The following ASPM variants were observed in gnomAD, a reference collection of about 807,000 sequenced individuals.
ASPM encodes the protein assembly factor for spindle microtubules.
A neutral mutation model predicts 366.4 loss-of-function variants in ASPM; 256 were observed. The observed-to-expected ratio is 0.70, with a 90% CI of 0.63 to 0.77. The LOEUF is 0.77. ASPM is among the 30% of genes least tolerant of loss of function. The pLI, the probability that ASPM is intolerant of heterozygous loss-of-function variation, is 0.00. For missense variants in ASPM, 4,146 were observed against 4,090.4 expected, an observed-to-expected ratio of 1.01 and a Z score of -0.37; for synonymous variants, 1,414 against 1,342.9, an observed-to-expected ratio of 1.05 and a Z score of -1.16.
chr1:197,125,273 A>G (rs1010913441), intron 10 of ASPM, 82 bp from the exon 11 acceptor site: 14 of 1,498,476 alleles, frequency 9.3e-6, no homozygotes, highest in Non-Finnish European at 1.2e-5. Flanking sequence ...GTTATTTCCC[A>G]CATAAATCCC....
rs774064276 is a variant in ASPM, at chr1:197,129,335, A to C, written c.2630-18T>G. 1 of 1,609,842 alleles carries C rather than the reference A, an allele frequency of 6.2e-7. No homozygotes were observed. Among genetic ancestry groups the C allele is most frequent in the Non-Finnish European group, 8.5e-7 (1 of 1,177,044 alleles). On this transcript the variant is annotated intron_variant, in intron 8 of 27. Coordinates refer to ENST00000367409, the MANE Select transcript of ASPM (RefSeq NM_018136.5). ...TTCATGACCTTAAATAAAGTACAAA[A>C]AAGCACAGCAAGTTAATCTATGAAA...
Position 197,100,730 on chromosome 1 carries a change from G to C in ASPM, c.8521C>G (p.Leu2841Val). Residue 2841 changes from leucine to valine, a missense_variant, in exon 18 of 28, where the codon CTA becomes GTA. Coordinates refer to ENST00000367409, the MANE Select transcript of ASPM (RefSeq NM_018136.5). ...ATCTGAAGGAAGAACTGAATCCGTA[G>C]GGCAGCACATTTCTGTGTTTCCAGT... ...RKLETQKCAALRIQFFLQMAV... is the reference protein window; with the variant it reads ...RKLETQKCAAVRIQFFLQMAV... 2 of 1,612,412 alleles carry C rather than the reference G, an allele frequency of 1.2e-6. No homozygotes were observed. The highest frequency in any genetic ancestry group is 1.7e-6 in the Non-Finnish European group (2 of 1,179,072).
At chr1:197,088,827 ATCTAAT>A (rs1465166179) in intron 25 of ASPM, among the ~76,000 whole-genome samples, 1 of 152,066 alleles carries the variant, frequency 6.6e-6, no homozygotes, top group Non-Finnish European at 1.5e-5. Context: ...TAAAGGCAGG[ATCTAAT>A]TAGTTACTCT....
Position 197,101,763 on chromosome 1 carries a change from T to A in ASPM, c.7488A>T (p.Thr2496=), listed in dbSNP as rs770735309. 4 of 1,612,474 alleles carry A rather than the reference T, an allele frequency of 2.5e-6. No homozygotes were observed. Among genetic ancestry groups the A allele is most frequent in the African/African-American group, 1.3e-5 (1 of 74,798 alleles). The change falls in exon 18 of 28, where the codon ACA becomes ACT. Residue 2496 remains threonine (T), a synonymous_variant. Coordinates refer to ENST00000367409, the MANE Select transcript of ASPM (RefSeq NM_018136.5). ...LIQATFRMYR[T]YITFQTWKHA... is the part of the protein sequence containing the mutation. ...GTTTCCAAGTCTGAAATGTAATATA[T>A]GTTCTGTACATCCTGAAAGTAGCCT...
At chr1:197,117,449 C>T (rs936250189) in intron 17 of ASPM, among the ~76,000 whole-genome samples, 5 of 151,840 alleles carry the variant, frequency 3.3e-5, no homozygotes, top group Non-Finnish European at 7.4e-5. Flanking sequence ...TTCCAGGACT[C>T]AAAGCAAAGA....
chr1:197,093,957 C>A, intron 20 of ASPM, 127 bp downstream of exon 20: 1 of 619,084 alleles, frequency 1.6e-6, no homozygotes, highest in Non-Finnish European at 2.9e-6. Flanking sequence ...TAAATGCATA[C>A]TTAGGTCTTA....
chr1:197,103,365 T>C lies in ASPM; in HGVS notation c.5886A>G (p.Thr1962=). The C allele has an allele frequency of 6.2e-7, 1 of 1,613,342 alleles. No individual in the cohort carries two copies. The highest frequency in any genetic ancestry group is 8.5e-7 in the Non-Finnish European group (1 of 1,179,514). The change falls in exon 18 of 28, where the codon ACA becomes ACG. Residue 1962 remains threonine (T), a synonymous_variant. Coordinates refer to ENST00000367409, the MANE Select transcript of ASPM (RefSeq NM_018136.5). ...LVLQSMWKGK[T]LRRQLQRQHK... Reference sequence around the variant, plus strand: ...GTTGCCTTTGAAGCTGTCTTCTCAGTGTTTTTCCCTTCCACATAGATTGAA... The same window carrying C: ...GTTGCCTTTGAAGCTGTCTTCTCAGCGTTTTTCCCTTCCACATAGATTGAA...
chr1:197,134,250 T>A (rs7556383), intron 5 of ASPM, among the ~76,000 whole-genome samples: 354 of 127,370 alleles, frequency 2.8e-3, no homozygotes, highest in African/African-American at 9.0e-3. Context: ...TAAAAAATAA[T>A]AAAAAAAAAA....
chr1:197,103,922 C>T lies in ASPM; in HGVS notation c.5329G>A (p.Ala1777Thr). 1.2e-6 allele frequency: 2 copies of T among 1,612,680 alleles called. No individual in the cohort carries two copies. Among genetic ancestry groups the T allele is most frequent in the Non-Finnish European group, 1.7e-6 (2 of 1,179,290 alleles). ...ARQYYLKMYK[A>T]IIVIQNYYHA... The stretch of plus-strand genomic sequence containing the variant: ...TAGTAATTCTGAATGACAATAATTG[C>T]TTTATACATTTTCAGATAATACTGC... Residue 1777 changes from alanine (A) to threonine (T), a missense_variant, in exon 18 of 28, where the codon GCA becomes ACA. Coordinates refer to ENST00000367409, the MANE Select transcript of ASPM (RefSeq NM_018136.5).
At position 197,143,707 on chromosome 1, in the gene ASPM, G is replaced by A. The variant is rs917167792; in HGVS notation, c.545C>T (p.Ser182Phe). Residue 182 changes from serine to phenylalanine, a missense_variant, in exon 3 of 28, where the codon TCC (serine) becomes TTC (phenylalanine). By Grantham distance (155) the Ser-to-Phe change is radical. This residue lies in a region of ASPM where 512 missense variants were observed against 471.7 expected (regional missense o/e 1.09). Transcript: ENST00000367409. ...GCTCCTAACTCTGTCAACTTTTTGGGAAACACTAAATGTTTTATTAACATT... is the reference window on the plus strand; with the variant it reads ...GCTCCTAACTCTGTCAACTTTTTGGAAAACACTAAATGTTTTATTAACATT... ...IQNVNKTFSV[S>F]QKVDRVRSPL... is the part of the protein sequence containing the mutation. 1.2e-6 allele frequency: 2 copies of A among 1,613,878 alleles called. No homozygotes were observed. Among genetic ancestry groups the A allele is most frequent in the Non-Finnish European group, 1.7e-6 (2 of 1,179,878 alleles).
chr1:197,137,141 G>A (rs1658442923), intron 4 of ASPM, among the ~76,000 whole-genome samples: 2 of 152,202 alleles, frequency 1.3e-5, no homozygotes, highest in Admixed American at 1.3e-4. Context: ...ATGAAAGAAT[G>A]AGAAGATAAA....
At position 197,124,702 on chromosome 1, in the gene ASPM, T is replaced by TAC. The variant is rs71131742; in HGVS notation, c.3168+166_3168+167dup. ...GATTAGATTGAAATATATATATATA[T>TAC]ACACATATATATACATATATATATA... On this transcript the variant is annotated intron_variant, in intron 12 of 27. Transcript: ENST00000367409. 2.8e-3 allele frequency among the ~76,000 whole-genome samples: 424 copies of TAC among 151,158 alleles called. 2 individuals are homozygous for TAC. The highest frequency in any genetic ancestry group is 4.7e-3 in the Non-Finnish European group (321 of 67,798).
chr1:197,091,835 T>C lies in ASPM; in HGVS notation c.9444+72A>G, dbSNP rs890849314. On this transcript the variant is annotated intron_variant, in intron 22 of 27. Coordinates refer to ENST00000367409, the MANE Select transcript of ASPM (RefSeq NM_018136.5). ...ACCTTAGCATAAAGCATTTGGAAAT[T>C]GTTTATTACATATCAAAAATTTCTA... The C allele has an allele frequency of 2.0e-6, 3 of 1,488,702 alleles. No individual in the cohort carries two copies. In the African/African-American group the frequency reaches 4.2e-5, roughly 21 times the overall value. The allele number at this position is 1,488,702 out of a possible 1,614,324, so 92.2% of individuals were successfully genotyped here.
At chr1:197,094,752 T>TA in intron 19 of ASPM, among the ~76,000 whole-genome samples, 1 of 151,802 alleles carries the variant, frequency 6.6e-6, no homozygotes, top group East Asian at 1.9e-4. Context: ...TACTAAGAGA[T>TA]AAAATGTGAG....
chr1:197,086,155 A>C (rs946622964), intron 27 of ASPM, among the ~76,000 whole-genome samples: 1 of 152,000 alleles, frequency 6.6e-6, no homozygotes, highest in Admixed American at 6.6e-5. Flanking sequence ...CTGTGTAACC[A>C]CTCAGGTCAA....
chr1:197,093,331 T>A, intron 20 of ASPM, 70 bp from the exon 21 acceptor site: 2 of 1,239,982 alleles, frequency 1.6e-6, no homozygotes, highest in Non-Finnish European at 2.3e-6. Context: ...CTAGAAGTTC[T>A]TGAATTTCTC....
intron 16 of ASPM, among the ~76,000 whole-genome samples, 200 bp from the exon 17 acceptor site, chr1:197,118,183 G>T (rs1657798989): frequency 6.6e-6 from 1 of 152,096 alleles, no homozygotes; most frequent in Non-Finnish European, 1.5e-5. Flanking sequence ...CAGATATTTT[G>T]TATGATGAAA....
intron 27 of ASPM, among the ~76,000 whole-genome samples, chr1:197,085,373 T>C (rs1656555390): frequency 6.6e-6 from 1 of 152,190 alleles, no homozygotes; most frequent in Non-Finnish European, 1.5e-5. Context: ...GAGCTGCTTC[T>C]GAGTTGTTGA....
rs1658326305 is a variant in ASPM at position 197,133,492 on chromosome 1, C to T, written c.2277G>A (p.Arg759=). The stretch of plus-strand genomic sequence containing the variant: ...CACGACGTAGTCTGTTTAACCTACA[C>T]CGAGCAGTATAAGCTCTGAGAGACA... ...EEMSLRAYTA[R]CRLNRLRRAA... is the part of the protein sequence containing the mutation. The change falls in exon 6 of 28, where the codon CGG becomes CGA. Residue 759 remains arginine, a synonymous_variant. Coordinates refer to ENST00000367409, the MANE Select transcript of ASPM (RefSeq NM_018136.5). 2.5e-6 allele frequency: 4 copies of T among 1,614,082 alleles called. No individual in the cohort carries two copies. Among genetic ancestry groups the T allele is most frequent in the Non-Finnish European group, 3.4e-6 (4 of 1,179,998 alleles).
Sources: gnomAD v4.1 joint callset for allele counts (sites outside exome capture counted in the v4.1 genomes callset) on GRCh38, gnomAD v4.1.1 for gene constraint, gnomAD v4.1.1 regional missense constraint, MANE v1.5 for transcripts, NCBI Gene and HGNC (gene_info 2026-07-23, HGNC 2026-07-21) for gene names.